Variants in FGF14 observed in about 807,000 individuals in gnomAD.
The protein encoded by FGF14 is fibroblast growth factor homologous factor 4.
A neutral mutation model predicts 25.5 loss-of-function variants in FGF14; 5 were observed. The observed-to-expected ratio is 0.20, with a 90% confidence interval of 0.10 to 0.41. The LOEUF (loss-of-function observed/expected upper bound fraction) is 0.41, where lower values mean the gene tolerates loss of function less well. Ranked by LOEUF, FGF14 falls within the 10% of genes least tolerant of loss-of-function variation. The pLI is 1.00. For synonymous variants in FGF14, 138 were observed against 118.3 expected (o/e 1.17, Z -1.08); for missense variants, 222 against 320.1 (o/e 0.69, Z 2.34).
intron 3 of FGF14, chr13:101,802,638 T>G (rs1001091280): frequency 2.0e-5 from 3 of 152,812 alleles, no homozygotes; most frequent in Non-Finnish European, 4.4e-5. Context: ...CATGGGTGTC[T>G]GGAGCATCCT....
At chr13:102,309,050 G>C (rs924225292) in intron 1 of FGF14, among the ~76,000 whole-genome samples, 1 of 151,448 alleles carries the variant, frequency 6.6e-6, no homozygotes, top group Non-Finnish European at 1.5e-5. Context: ...TGCTATGTTA[G>C]TAATGGCTGA....
chr13:101,871,584 GA>G (rs1386947077), intron 2 of FGF14, among the ~76,000 whole-genome samples: 2 of 151,934 alleles, frequency 1.3e-5, no homozygotes, highest in African/African-American at 4.8e-5. Context: ...ATAGTGTATT[GA>G]TATCTGTAGA....
intron 1 of FGF14, among the ~76,000 whole-genome samples, chr13:102,306,651 A>C (rs1274120604): frequency 1.3e-5 from 2 of 152,304 alleles, no homozygotes; most frequent in Admixed American, 1.3e-4. Context: ...AAAAAATAAT[A>C]ATCACATAAG....
intron 1 of FGF14, among the ~76,000 whole-genome samples, chr13:102,185,513 T>C (rs1395652702): frequency 6.6e-6 from 1 of 151,958 alleles, no homozygotes; most frequent in Non-Finnish European, 1.5e-5. Flanking sequence ...CTAAATCTTT[T>C]CTGGCAGTCA....
chr13:102,389,247 A>G (rs1381178017), intron 1 of FGF14, among the ~76,000 whole-genome samples: 3 of 152,176 alleles, frequency 2.0e-5, no homozygotes, highest in African/African-American at 7.2e-5. Context: ...AATCTCCCCC[A>G]GTAACTAACA....
At chr13:102,058,314 A>G (rs563847974) in intron 1 of FGF14, among the ~76,000 whole-genome samples, 3 of 152,350 alleles carry the variant, frequency 2.0e-5, no homozygotes, top group Non-Finnish European at 4.4e-5. Flanking sequence ...ACGGAAATAA[A>G]ATCTAAACAC....
intron 1 of FGF14, among the ~76,000 whole-genome samples, chr13:102,256,494 T>C (rs914665816): frequency 2.0e-5 from 3 of 151,916 alleles, no homozygotes; most frequent in African/African-American, 4.8e-5. Context: ...CGAGACCCTG[T>C]CTCAAAAAAA....
intron 1 of FGF14, among the ~76,000 whole-genome samples, chr13:102,322,242 C>T (rs949152951): frequency 3.3e-5 from 5 of 152,208 alleles, no homozygotes; most frequent in African/African-American, 1.2e-4. Flanking sequence ...TGGCTTAATG[C>T]TTGCCGTGAA....
chr13:102,153,745 C>A (rs1412331920), intron 1 of FGF14, among the ~76,000 whole-genome samples: 1 of 152,186 alleles, frequency 6.6e-6, no homozygotes, highest in African/African-American at 2.4e-5. Flanking sequence ...CCATTCTACT[C>A]TCAGAGTTAG....
chr13:101,934,539 G>C (rs923551153), intron 1 of FGF14, among the ~76,000 whole-genome samples: 1 of 152,102 alleles, frequency 6.6e-6, no homozygotes, highest in Non-Finnish European at 1.5e-5. Context: ...TTACACATTT[G>C]TCAAAATTCA....
chr13:102,276,128 T>C lies in FGF14; in HGVS notation c.208+125343A>G, dbSNP rs532355258. Among the ~76,000 whole-genome samples, 5 of 151,866 alleles carry C rather than the reference T, an allele frequency of 3.3e-5. No homozygotes were observed. The South Asian group carries it at 1.0e-3, about 32-fold the overall frequency. ...ATTGTTCAGTCTGAGACGTAGTTTT[T>C]CCATTAGTTAAGTAGAGACTCAAAG... On this transcript the variant is annotated intron_variant, in intron 1 of 4. Coordinates refer to the FGF14 transcript ENST00000376131.
At chr13:101,950,423 T>C (rs903722094) in intron 1 of FGF14, among the ~76,000 whole-genome samples, 3 of 152,236 alleles carry the variant, frequency 2.0e-5, no homozygotes, top group African/African-American at 7.2e-5. Context: ...TATTTTAATC[T>C]TCTTCATTAG....
chr13:101,974,916 A>C (rs2037831179), intron 1 of FGF14, among the ~76,000 whole-genome samples: 1 of 152,198 alleles, frequency 6.6e-6, no homozygotes, highest in Admixed American at 6.5e-5. Flanking sequence ...TGGGTAAAGA[A>C]GCCAAAATTC....
In FGF14 at chr13:101,962,192, G is replaced by A. The variant is rs57001899; in HGVS notation, c.209-86896C>T. ...CAAGATATTGATTCTTACTAACCAT[G>A]AGCATGAAATGTTTTTACATTTGTG... is the stretch of plus-strand genomic sequence containing the variant. On this transcript the variant is annotated intron_variant, in intron 1 of 4. Transcript: ENST00000376131. Among the ~76,000 whole-genome samples, 35 of 152,302 alleles carry A rather than the reference G, an allele frequency of 2.3e-4. No individual in the cohort carries two copies. In the East Asian group the frequency reaches 6.2e-3, roughly 27 times the overall value.
intron 3 of FGF14, among the ~76,000 whole-genome samples, chr13:101,762,041 C>T (rs994352001): frequency 6.6e-6 from 1 of 152,142 alleles, no homozygotes; most frequent in Non-Finnish European, 1.5e-5. Context: ...ATCTGTGTAG[C>T]AACCATGTGA....
rs2054657195 is a variant in FGF14 at position 102,295,471 on chromosome 13, TGA to T, written c.208+105998_208+105999del. 4.4e-4 allele frequency among the ~76,000 whole-genome samples: 67 copies of T among 152,144 alleles called. 1 individual carries two copies. The highest frequency in any genetic ancestry group is 1.5e-5 in the Non-Finnish European group (1 of 68,038). ...GACTTGTACGGTACTGTGTGGTTTG[TGA>T]TACCTTTGCACTGTGTGGTTTGTGA... On this transcript the variant is annotated intron_variant, in intron 1 of 4. Transcript: ENST00000376131.
At chr13:101,992,304 G>C (rs941543958) in intron 1 of FGF14, among the ~76,000 whole-genome samples, 1 of 152,116 alleles carries the variant, frequency 6.6e-6, no homozygotes, top group Admixed American at 6.6e-5. Flanking sequence ...ACCATAGCTA[G>C]AGGAAACAGT....
chr13:102,194,392 C>T (rs886297368), intron 1 of FGF14, among the ~76,000 whole-genome samples: 9 of 151,428 alleles, frequency 5.9e-5, no homozygotes, highest in African/African-American at 2.2e-4. Context: ...GGTATTAAGC[C>T]CCACATGCAT....
intron 1 of FGF14, among the ~76,000 whole-genome samples, chr13:102,192,589 T>TC (rs1238228529): frequency 6.6e-6 from 1 of 152,170 alleles, no homozygotes; most frequent in Non-Finnish European, 1.5e-5. Context: ...ACCAAGCCAC[T>TC]CCTTCAACAA....
Sources: gnomAD v4.1 joint callset for allele counts (sites outside exome capture counted in the v4.1 genomes callset) on GRCh38, gnomAD v4.1.1 for gene constraint, MANE v1.5 for transcripts, NCBI Gene and HGNC (gene_info 2026-07-23, HGNC 2026-07-21) for gene names.